The following MCU variants were observed in gnomAD, a reference collection of about 807,000 sequenced individuals.
MCU encodes mitochondrial calcium uniporter.
In MCU, 12 loss-of-function variants were observed where a neutral mutation model predicts 45.2. The observed-to-expected ratio is 0.27, with a 90% CI of 0.17 to 0.43. MCU has a LOEUF of 0.43. Ranked by LOEUF, MCU falls within the 20% of genes least tolerant of loss-of-function variation. The pLI, the probability that MCU is intolerant of heterozygous loss-of-function variation, is 1.00. For synonymous variants in MCU, 160 were observed against 165.1 expected, an observed-to-expected ratio of 0.97 and a Z score of 0.24; for missense variants, 324 against 436.7, an observed-to-expected ratio of 0.74 and a Z score of 2.30.
intron 1 of MCU, among the ~76,000 whole-genome samples, chr10:72,788,822 C>G (rs1165859592): frequency 6.6e-6 from 1 of 152,172 alleles, no homozygotes; most frequent in African/African-American, 2.4e-5. Flanking sequence ...TGATAAAGTA[C>G]TTGCTTGCTA....
At chr10:72,845,937 T>C (rs1264280159) in intron 2 of MCU, among the ~76,000 whole-genome samples, 2 of 152,200 alleles carry the variant, frequency 1.3e-5, no homozygotes, top group African/African-American at 2.4e-5. Flanking sequence ...TGATCCTTTA[T>C]ATATAGGAGT....
At chr10:72,742,277 A>G (rs866660782) in intron 1 of MCU, among the ~76,000 whole-genome samples, 11 of 152,150 alleles carry the variant, frequency 7.2e-5, no homozygotes, top group Admixed American at 1.3e-4. Flanking sequence ...AGTTTGTGTA[A>G]GTACACTGTG....
intron 1 of MCU, among the ~76,000 whole-genome samples, chr10:72,762,215 T>C (rs938944678): frequency 5.3e-5 from 8 of 152,042 alleles, no homozygotes; most frequent in Non-Finnish European, 1.0e-4. Flanking sequence ...AATCAGTAAT[T>C]TTAAAACTGC....
intron 3 of MCU, among the ~76,000 whole-genome samples, 157 bp downstream of exon 3, chr10:72,859,504 A>G (rs533333772): frequency 6.6e-6 from 1 of 152,356 alleles, no homozygotes; most frequent in African/African-American, 2.4e-5. Context: ...CAGGAGAGAA[A>G]GGGATTTCTC....
In MCU at chr10:72,842,150, C is replaced by T. The variant is rs149271083; in HGVS notation, c.220+7722C>T. ...AAAATTAGCTGGGCGTGGTGGCGCA[C>T]ACCTGTAGTCCTATAGTCCTGTAGA... On this transcript the variant is annotated intron_variant, in intron 2 of 7. Transcript: ENST00000373053. Among the ~76,000 whole-genome samples, 633 of 152,194 alleles carry T rather than the reference C, an allele frequency of 4.2e-3. 5 individuals are homozygous for T. Among genetic ancestry groups the T allele is most frequent in the African/African-American group, 0.015 (610 of 41,514 alleles).
chr10:72,850,807 A>G (rs143697361), intron 2 of MCU, among the ~76,000 whole-genome samples: 4 of 152,330 alleles, frequency 2.6e-5, no homozygotes, highest in African/African-American at 4.8e-5. Context: ...GAACATACTT[A>G]TATTATTTCT....
intron 2 of MCU, among the ~76,000 whole-genome samples, chr10:72,839,896 G>A (rs747756498): frequency 2.0e-5 from 3 of 150,954 alleles, no homozygotes; most frequent in East Asian, 1.9e-4. Flanking sequence ...CCCAGGAGGC[G>A]GAGCTTGCTG....
At chr10:72,807,610 C>T (rs1361000934) in intron 1 of MCU, among the ~76,000 whole-genome samples, 1 of 151,966 alleles carries the variant, frequency 6.6e-6, no homozygotes, top group Non-Finnish European at 1.5e-5. Context: ...ATTATTTTGC[C>T]TCCTTTTACT....
intron 1 of MCU, among the ~76,000 whole-genome samples, chr10:72,808,282 C>T (rs1444615199): frequency 6.6e-6 from 1 of 152,150 alleles, no homozygotes; most frequent in African/African-American, 2.4e-5. Context: ...AATGTTTGCC[C>T]TGAAATTAGA....
At chr10:72,834,496 T>G (rs892589312) in intron 2 of MCU, 68 bp downstream of exon 2, 19 of 1,351,872 alleles carry the variant, frequency 1.4e-5, no homozygotes, top group Middle Eastern at 3.7e-4. Flanking sequence ...TTTCCTATTC[T>G]CTGACACAAA....
chr10:72,704,587 G>A (rs190754406), intron 1 of MCU, among the ~76,000 whole-genome samples: 117 of 151,570 alleles, frequency 7.7e-4, no homozygotes, highest in African/African-American at 2.7e-3. Context: ...CACCCAGGCC[G>A]GAGTTCATGG....
intron 2 of MCU, among the ~76,000 whole-genome samples, chr10:72,847,345 G>T (rs951563011): frequency 7.2e-5 from 11 of 152,106 alleles, no homozygotes. Flanking sequence ...TAGGCCACTC[G>T]TGTCAACTGA....
chr10:72,710,757 C>T (rs984096024), intron 1 of MCU, among the ~76,000 whole-genome samples: 3 of 151,956 alleles, frequency 2.0e-5, no homozygotes, highest in Non-Finnish European at 2.9e-5. Context: ...AAGTACCATT[C>T]CTTAGACCTC....
intron 1 of MCU, among the ~76,000 whole-genome samples, chr10:72,789,270 G>T (rs1369325116): frequency 6.6e-6 from 1 of 152,114 alleles, no homozygotes; most frequent in East Asian, 1.9e-4. Flanking sequence ...GATGTTTTAG[G>T]TATAAATAAT....
intron 1 of MCU, among the ~76,000 whole-genome samples, chr10:72,809,643 A>G (rs573624858): frequency 9.2e-5 from 14 of 152,228 alleles, no homozygotes; most frequent in Non-Finnish European, 1.6e-4. Context: ...TGAATCTGAA[A>G]ATCAGTACAG....
chr10:72,713,500 G>A (rs1223986117), intron 1 of MCU, among the ~76,000 whole-genome samples: 3 of 152,158 alleles, frequency 2.0e-5, no homozygotes, highest in African/African-American at 7.2e-5. Context: ...GGCTGGTCTT[G>A]AACTCCTGAC....
At chr10:72,832,796 A>G (rs1027293889) in intron 1 of MCU, among the ~76,000 whole-genome samples, 12 of 152,228 alleles carry the variant, frequency 7.9e-5, no homozygotes, top group African/African-American at 2.9e-4. Context: ...CAGTGAAGAA[A>G]CCAAGGCACA....
At chr10:72,702,997 A>AG (rs1251278768) in intron 1 of MCU, among the ~76,000 whole-genome samples, 3 of 152,050 alleles carry the variant, frequency 2.0e-5, no homozygotes, top group Admixed American at 6.6e-5. Flanking sequence ...AAAAAAAAAA[A>AG]AAAAGCAAAC....
chr10:72,856,560 A>G (rs745994319), intron 2 of MCU, among the ~76,000 whole-genome samples: 2 of 152,124 alleles, frequency 1.3e-5, no homozygotes, highest in South Asian at 2.1e-4. Context: ...TATGTTTGCT[A>G]TAAACTCTTT....
Sources: gnomAD v4.1 joint callset for allele counts (sites outside exome capture counted in the v4.1 genomes callset) on GRCh38, gnomAD v4.1.1 for gene constraint, MANE v1.5 for transcripts, NCBI Gene and HGNC (gene_info 2026-07-23, HGNC 2026-07-21) for gene names.